ERMARD: variants seen among roughly 807,000 people sequenced by gnomAD.
ERMARD encodes the protein endoplasmic reticulum membrane-associated RNA degradation protein.
Under a neutral mutation model 83.9 loss-of-function variants are expected in ERMARD, and 71 were observed. The observed-to-expected ratio is 0.85, with a 90% CI of 0.70 to 1.03. The LOEUF (loss-of-function observed/expected upper bound fraction) is 1.03. Ranked by LOEUF, ERMARD falls within the 50% of genes least tolerant of loss-of-function variation. ERMARD has a pLI of 0.00. For missense variants in ERMARD, 838 were observed against 810.9 expected (o/e 1.03, Z -0.41); for synonymous variants, 284 against 298.6 (o/e 0.95, Z 0.50).
intron 10 of ERMARD, among the ~76,000 whole-genome samples, 173 bp downstream of exon 10, chr6:169,766,840 G>A (rs962427168): frequency 1.3e-5 from 2 of 152,084 alleles, no homozygotes; most frequent in Non-Finnish European, 2.9e-5. Flanking sequence ...GTTAATTTTG[G>A]GGCCCAGTGT....
intron 1 of ERMARD, chr6:169,752,066 A>C: frequency 4.6e-6 from 1 of 216,024 alleles, no homozygotes. Context: ...CGGACAGTAA[A>C]TTTGTGTTCA....
intron 12 of ERMARD, chr6:169,773,079 A>C (rs1048600704): frequency 1.4e-5 from 6 of 428,602 alleles, no homozygotes; most frequent in African/African-American, 1.0e-4. Context: ...TTGTGCACAG[A>C]GGGTGGGTGT....
intron 12 of ERMARD, among the ~76,000 whole-genome samples, chr6:169,772,583 A>G (rs897345461): frequency 6.6e-6 from 1 of 152,012 alleles, no homozygotes; most frequent in African/African-American, 2.4e-5. Context: ...ATGGCCAAAC[A>G]TGGTGAAACC....
At chr6:169,752,692 A>G (rs956625542) in intron 1 of ERMARD, among the ~76,000 whole-genome samples, 1 of 151,910 alleles carries the variant, frequency 6.6e-6, no homozygotes, top group African/African-American at 2.4e-5. Context: ...CCCCCCCTTA[A>G]CTCAACACAC....
chr6:169,763,179 G>A (rs1791770438), intron 9 of ERMARD, among the ~76,000 whole-genome samples: 1 of 152,180 alleles, frequency 6.6e-6, no homozygotes, highest in African/African-American at 2.4e-5. Context: ...AGATCCTGCT[G>A]CTTAGTGACA....
At chr6:169,751,858 C>CT (rs1790144617) in intron 1 of ERMARD, 195 bp downstream of exon 1, 1 of 773,536 alleles carries the variant, frequency 1.3e-6, no homozygotes, top group African/African-American at 1.9e-5. Flanking sequence ...TGCAAGACGC[C>CT]TGGCGGGCCC....
Position 169,769,580 on chromosome 6 carries a change from G to A in ERMARD, c.1100G>A (p.Arg367His), listed in dbSNP as rs367621676. 66 of 1,611,326 alleles carry A rather than the reference G, an allele frequency of 4.1e-5. No individual in the cohort carries two copies. The African/African-American group carries it at 5.7e-4, about 14-fold the overall frequency. Residue 367 changes from arginine (R) to histidine (H), a missense_variant, in exon 12 of 18, where the codon CGC (arginine) becomes CAC (histidine). Transcript: ENST00000366773. ...TTCCTGAACCATCAGGAGGGTCCCC[G>A]CATAAGAGATCATTTAAGCCACGGG... is the stretch of plus-strand genomic sequence containing the variant. The part of the protein sequence containing the change: ...WDFLNHQEGP[R>H]IRDHLSHGEI...
intron 9 of ERMARD, among the ~76,000 whole-genome samples, chr6:169,764,328 A>G (rs1357611127): frequency 6.8e-6 from 1 of 146,974 alleles, no homozygotes; most frequent in African/African-American, 2.5e-5. Context: ...GCGGTGGTGC[A>G]GTCATAGCTC....
chr6:169,751,412 G>A (rs752660634), upstream of ERMARD: 1 of 1,614,166 alleles, frequency 6.2e-7, no homozygotes, highest in Non-Finnish European at 8.5e-7. Context: ...GGTCTGGTTC[G>A]GGGTCTGGAT....
chr6:169,752,769 T>C (rs1790301945), intron 1 of ERMARD, among the ~76,000 whole-genome samples: 1 of 152,186 alleles, frequency 6.6e-6, no homozygotes, highest in African/African-American at 2.4e-5. Flanking sequence ...TATACGATGG[T>C]CTTAGTGTCA....
At chr6:169,775,479 C>T (rs1450198890) in intron 14 of ERMARD, 133 bp downstream of exon 14, 37 of 984,556 alleles carry the variant, frequency 3.8e-5, no homozygotes, top group Non-Finnish European at 5.5e-5. Context: ...GTGGCTGATG[C>T]AGGCTGTGGG....
chr6:169,758,737 C>T (rs569799515), intron 5 of ERMARD, among the ~76,000 whole-genome samples: 1 of 152,214 alleles, frequency 6.6e-6, no homozygotes, highest in East Asian at 1.9e-4. Flanking sequence ...TGGGGATAAT[C>T]ATAGTACCTT....
chr6:169,775,839 A>T lies in ERMARD; in HGVS notation c.1395-101A>T, dbSNP rs954352002. 3 of 1,372,950 alleles carry T rather than the reference A, an allele frequency of 2.2e-6. No homozygotes were observed. The African/African-American group carries it at 4.4e-5, about 20-fold the overall frequency. 85.0% of individuals were successfully genotyped at this position (1,372,950 alleles called of 1,614,324 possible). A position where few individuals can be genotyped will look rare whatever the true frequency, so the allele number is the denominator to read the frequency against. ...TATATTTGAGGAAAGTGAGATTCACAGTCAGGTCGCTGCTCAGTGAACCAT... is the reference window on the plus strand; with the variant it reads ...TATATTTGAGGAAAGTGAGATTCACTGTCAGGTCGCTGCTCAGTGAACCAT... On this transcript the variant is annotated intron_variant, in intron 14 of 17. Coordinates refer to ENST00000366773, the MANE Select transcript of ERMARD (RefSeq NM_018341.3).
chr6:169,762,569 C>G, intron 9 of ERMARD, 38 bp downstream of exon 9: 1 of 1,529,124 alleles, frequency 6.5e-7, no homozygotes, highest in South Asian at 1.2e-5. Context: ...ATCATTGTTG[C>G]TGTATTAACA....
At position 169,759,029 on chromosome 6, in the gene ERMARD, G is replaced by A. The variant is rs752779557; in HGVS notation, c.569G>A (p.Trp190Ter). 1 of 1,614,092 alleles carries A rather than the reference G, an allele frequency of 6.2e-7. No individual in the cohort carries two copies. The highest frequency in any genetic ancestry group is 1.7e-5 in the Admixed American group (1 of 59,988). The change falls in exon 6 of 18, where the codon TGG (tryptophan) becomes TAG (stop). Residue 190 changes from tryptophan (W) to a stop codon, truncating the protein, a stop_gained. Coordinates refer to ENST00000366773, the MANE Select transcript of ERMARD (RefSeq NM_018341.3). LOFTEE classifies it high-confidence loss of function. ...GGTCTCAACCTGCGTAACGTCTTAT[G>A]GCATGGGTTTGCGTCACCTGAAGAA... is the stretch of plus-strand genomic sequence containing the variant. The part of the protein sequence containing the change: ...PCGLNLRNVL[W>*]HGFASPEEIP...
intron 13 of ERMARD, among the ~76,000 whole-genome samples, chr6:169,773,700 G>C (rs940250806): frequency 6.6e-6 from 1 of 152,218 alleles, no homozygotes; most frequent in Non-Finnish European, 1.5e-5. Flanking sequence ...GGCTGTTATT[G>C]CTGTCAGCAG....
chr6:169,781,598 G>T lies in ERMARD; in HGVS notation c.*85G>T. The T allele has an allele frequency of 1.5e-6, 2 of 1,305,174 alleles. No individual in the cohort carries two copies. Among genetic ancestry groups the T allele is most frequent in the Non-Finnish European group, 2.1e-6 (2 of 964,842 alleles). The allele number at this position is 1,305,174 out of a possible 1,614,324, so 80.8% of individuals were successfully genotyped here. ...ACCCAAAGACAGGGTGGAGTTGAGG[G>T]TCTGCTTGGCCAGGGTCCAGGTTCT... On this transcript the variant is annotated 3_prime_UTR_variant, in exon 18 of 18. Coordinates refer to ENST00000366773, the MANE Select transcript of ERMARD (RefSeq NM_018341.3).
intron 2 of ERMARD, 75 bp downstream of exon 2, chr6:169,754,107 T>A: frequency 1.4e-6 from 2 of 1,413,202 alleles, no homozygotes; most frequent in Non-Finnish European, 1.9e-6. Flanking sequence ...AATTCCCCTT[T>A]CTGACCATTG....
intron 14 of ERMARD, chr6:169,775,737 G>A (rs1021870561): frequency 1.7e-5 from 11 of 658,306 alleles, no homozygotes; most frequent in African/African-American, 1.5e-4. Flanking sequence ...TCATCGTCTC[G>A]TCGTCACTGG....
Sources: gnomAD v4.1 joint callset for allele counts (sites outside exome capture counted in the v4.1 genomes callset) on GRCh38, gnomAD v4.1.1 for gene constraint, MANE v1.5 for transcripts, NCBI Gene and HGNC (gene_info 2026-07-23, HGNC 2026-07-21) for gene names.